The following TNKS variants were observed in gnomAD, a reference collection of about 807,000 sequenced individuals.
TNKS encodes tankyrase, also known as poly [ADP-ribose] polymerase tankyrase-1.
In TNKS, 72 loss-of-function variants were observed where a neutral mutation model predicts 135.8. That is an observed-to-expected ratio of 0.53 (90% CI 0.44 to 0.64). The LOEUF is 0.64. TNKS is among the 30% of genes least tolerant of loss of function. The pLI is 0.00. For missense variants in TNKS, 1,769 were observed against 1,674.0 expected (o/e 1.06, Z -0.99); for synonymous variants, 849 against 649.3 (o/e 1.31, Z -4.68).
At chr8:9,587,653 C>T (rs113613703) in intron 2 of TNKS, among the ~76,000 whole-genome samples, 237 of 152,250 alleles carry the variant, frequency 1.6e-3, no homozygotes, top group African/African-American at 5.1e-3. Flanking sequence ...CCGCCCGCCT[C>T]GGCCTCCCAA....
At chr8:9,728,395 A>G (rs1369527684) in intron 13 of TNKS, among the ~76,000 whole-genome samples, 2 of 152,234 alleles carry the variant, frequency 1.3e-5, no homozygotes, top group Non-Finnish European at 2.9e-5. Flanking sequence ...ACTGAAACAG[A>G]ATAAAGAATT....
intron 1 of TNKS, among the ~76,000 whole-genome samples, chr8:9,560,086 CAGTCAAAAT>C (rs1360957864): frequency 2.6e-5 from 4 of 152,200 alleles, no homozygotes; most frequent in Non-Finnish European, 5.9e-5. Context: ...TAAAGTATAG[CAGTCAAAAT>C]AGTTTTATAA....
chr8:9,663,012 A>T (rs1038349619), intron 3 of TNKS, among the ~76,000 whole-genome samples: 1 of 152,242 alleles, frequency 6.6e-6, no homozygotes, highest in African/African-American at 2.4e-5. Flanking sequence ...CAGTATAATC[A>T]CAAGGATTCT....
intron 2 of TNKS, among the ~76,000 whole-genome samples, chr8:9,580,969 T>C (rs944114469): frequency 6.6e-6 from 1 of 152,158 alleles, no homozygotes; most frequent in African/African-American, 2.4e-5. Flanking sequence ...TATATTCACA[T>C]TTTGCTTTGC....
chr8:9,702,673 C>A (rs759826333), intron 5 of TNKS, among the ~76,000 whole-genome samples: 40 of 152,176 alleles, frequency 2.6e-4, no homozygotes, highest in Non-Finnish European at 5.0e-4. Context: ...AGAAACTTAG[C>A]TGGACATGTT....
chr8:9,705,728 G>C, intron 6 of TNKS, among the ~76,000 whole-genome samples: 1 of 152,174 alleles, frequency 6.6e-6, no homozygotes, highest in East Asian at 1.9e-4. Context: ...GAGTCATCAA[G>C]AGATGTACAC....
chr8:9,751,144 C>T (rs1392295269), intron 18 of TNKS, among the ~76,000 whole-genome samples: 3 of 152,102 alleles, frequency 2.0e-5, no homozygotes, highest in African/African-American at 7.2e-5. Context: ...AGACTATCTC[C>T]CGCATACTCG....
intron 1 of TNKS, among the ~76,000 whole-genome samples, chr8:9,565,338 A>C (rs1334249509): frequency 2.0e-5 from 3 of 152,094 alleles, no homozygotes; most frequent in Admixed American, 6.5e-5. Context: ...TTTTTTCTCT[A>C]TCCCTTTTGC....
chr8:9,734,743 A>C, intron 15 of TNKS, 122 bp from the exon 16 acceptor site: 1 of 820,426 alleles, frequency 1.2e-6, no homozygotes, highest in Non-Finnish European at 1.9e-6. Flanking sequence ...TGTTTTTCAA[A>C]ATGCATATAG....
chr8:9,765,291 T>C (rs950100791), intron 23 of TNKS, among the ~76,000 whole-genome samples: 1 of 152,120 alleles, frequency 6.6e-6, no homozygotes, highest in African/African-American at 2.4e-5. Context: ...GTTTAACCCT[T>C]TGAGTTAACA....
rs752489468 is a variant in TNKS, at chr8:9,770,272, T to A, written c.3897+10T>A. On this transcript the variant is annotated intron_variant, in intron 26 of 26. Transcript: ENST00000310430. ...CTACAGAGGAGAACAGGTATGTTAC[T>A]CATCAAACAAGCATAACCAAGTTCA... The A allele has an allele frequency of 3.7e-6, 6 of 1,601,656 alleles. No homozygotes were observed. The highest frequency in any genetic ancestry group is 5.1e-6 in the Non-Finnish European group (6 of 1,171,264).
At chr8:9,744,099 G>A (rs1402770774) in intron 17 of TNKS, among the ~76,000 whole-genome samples, 3 of 151,914 alleles carry the variant, frequency 2.0e-5, no homozygotes. Context: ...TCCAAATGGA[G>A]AAAAAAATAC....
intron 3 of TNKS, among the ~76,000 whole-genome samples, chr8:9,637,693 C>G (rs2128774978): frequency 6.6e-6 from 1 of 152,044 alleles, no homozygotes; most frequent in East Asian, 1.9e-4. Flanking sequence ...ATTTTAAAAA[C>G]CTAATAAGGG....
intron 17 of TNKS, among the ~76,000 whole-genome samples, chr8:9,740,587 T>C (rs1417838359): frequency 6.6e-6 from 1 of 152,184 alleles, no homozygotes; most frequent in African/African-American, 2.4e-5. Context: ...AAGTATGATA[T>C]AAATTAATTG....
Position 9,778,090 on chromosome 8 carries a change from T to C in TNKS, c.*1354T>C, listed in dbSNP as rs932385115. ...AGAAAGAAATACCATACAATTTTCTTTGTGAAATTACTGTTTATTTTCATC... is the reference window on the plus strand; with the variant it reads ...AGAAAGAAATACCATACAATTTTCTCTGTGAAATTACTGTTTATTTTCATC... On this transcript the variant is annotated 3_prime_UTR_variant, in exon 27 of 27. Coordinates refer to ENST00000310430, the MANE Select transcript of TNKS (RefSeq NM_003747.3). 3 of 152,650 alleles carry C rather than the reference T, an allele frequency of 2.0e-5. No homozygotes were observed. The highest frequency in any genetic ancestry group is 6.5e-5 in the Admixed American group (1 of 15,282). 9.5% of individuals were successfully genotyped at this position (152,650 alleles called of 1,614,324 possible). A position where few individuals can be genotyped will look rare whatever the true frequency, so the allele number is the denominator to read the frequency against.
Position 9,764,703 on chromosome 8 carries a change from T to C in TNKS, c.3373-13T>C, listed in dbSNP as rs1430155361. The C allele has an allele frequency of 8.2e-6, 13 of 1,581,124 alleles. No individual in the cohort carries two copies. Among genetic ancestry groups the C allele is most frequent in the Non-Finnish European group, 9.4e-6 (11 of 1,168,704 alleles). On this transcript the variant is annotated splice_polypyrimidine_tract_variant and intron_variant, in intron 22 of 26. Transcript: ENST00000310430. ...TGGGATGTTTTTATAAAATTAGTTA[T>C]TTTGTTCTGTAGATGCAAAGTACTA...
intron 3 of TNKS, among the ~76,000 whole-genome samples, chr8:9,669,176 T>C (rs892397541): frequency 6.6e-6 from 1 of 150,674 alleles, no homozygotes; most frequent in Non-Finnish European, 1.5e-5. Context: ...CCCAGCACTT[T>C]GGGAGGCCGA....
chr8:9,586,941 G>A (rs539040389), intron 2 of TNKS, among the ~76,000 whole-genome samples: 3 of 152,046 alleles, frequency 2.0e-5, no homozygotes, highest in Admixed American at 1.3e-4. Flanking sequence ...GTACTGTTGG[G>A]TCTCCCGTTA....
chr8:9,757,332 C>G (rs1806892622), intron 20 of TNKS, among the ~76,000 whole-genome samples: 1 of 152,214 alleles, frequency 6.6e-6, no homozygotes, highest in Non-Finnish European at 1.5e-5. Flanking sequence ...TTAAGATCCT[C>G]TCTGTGCCTG....
Sources: gnomAD v4.1 joint callset for allele counts (sites outside exome capture counted in the v4.1 genomes callset) on GRCh38, gnomAD v4.1.1 for gene constraint, MANE v1.5 for transcripts, NCBI Gene and HGNC (gene_info 2026-07-23, HGNC 2026-07-21) for gene names.